The following MLLT10 variants were observed in gnomAD, a reference collection of about 807,000 sequenced individuals.
MLLT10 encodes the protein MLLT10 histone lysine methyltransferase DOT1L cofactor.
Under a neutral mutation model 129.1 loss-of-function variants are expected in MLLT10, and 30 were observed. The ratio of observed to expected loss-of-function variants is 0.23; its 90% CI spans 0.17 to 0.32. The LOEUF (loss-of-function observed/expected upper bound fraction) is 0.32. Among genes scored for constraint, MLLT10 ranks in the 10% least tolerant of loss-of-function variants. The pLI is 1.00. For synonymous variants in MLLT10, 490 were observed against 446.4 expected (o/e 1.10, Z -1.23); for missense variants, 1,119 against 1,268.3 (o/e 0.88, Z 1.79).
At chr10:21,567,333 A>G (rs1404407423) in intron 3 of MLLT10, among the ~76,000 whole-genome samples, 2 of 151,932 alleles carry the variant, frequency 1.3e-5, no homozygotes, top group African/African-American at 2.4e-5. Flanking sequence ...ACTTCCTTTT[A>G]GTTGTTTGCA....
At chr10:21,628,361 T>C (rs1446992351) in intron 8 of MLLT10, among the ~76,000 whole-genome samples, 6 of 151,980 alleles carry the variant, frequency 3.9e-5, no homozygotes, top group Admixed American at 1.3e-4. Flanking sequence ...GTGTCTATTA[T>C]CAGATTGCCT....
chr10:21,573,549 T>A (rs541945053), intron 3 of MLLT10, among the ~76,000 whole-genome samples: 1 of 152,310 alleles, frequency 6.6e-6, no homozygotes, highest in Admixed American at 6.5e-5. Flanking sequence ...CATTGTTTTA[T>A]TTTCAAATGT....
intron 3 of MLLT10, among the ~76,000 whole-genome samples, chr10:21,566,131 T>G (rs1314880327): frequency 6.6e-6 from 1 of 151,572 alleles, no homozygotes; most frequent in African/African-American, 2.4e-5. Flanking sequence ...TTTTTTGTAT[T>G]TTTAGTAGAG....
chr10:21,677,922 C>T (rs1453900554), intron 11 of MLLT10, among the ~76,000 whole-genome samples: 3 of 152,162 alleles, frequency 2.0e-5, no homozygotes, highest in African/African-American at 7.2e-5. Flanking sequence ...ATCCCCACTG[C>T]CAGCACAGTG....
chr10:21,733,637 A>G, intron 19 of MLLT10, 45 bp downstream of exon 19: 1 of 1,466,114 alleles, frequency 6.8e-7, no homozygotes. Context: ...TTTACTTGTG[A>G]ATAATAGTAT....
intron 13 of MLLT10, among the ~76,000 whole-genome samples, chr10:21,698,144 G>A (rs766729042): frequency 1.1e-4 from 17 of 151,950 alleles, no homozygotes; most frequent in Non-Finnish European, 2.1e-4. Flanking sequence ...GCCTTCTGTC[G>A]AACATTAAAA....
chr10:21,729,526 A>C (rs1429421423), intron 16 of MLLT10, among the ~76,000 whole-genome samples: 2 of 152,148 alleles, frequency 1.3e-5, no homozygotes, highest in Admixed American at 6.5e-5. Context: ...TGGAATAAAA[A>C]CCCCATTTGT....
Position 21,670,474 on chromosome 10 carries a change from C to T in MLLT10, c.821C>T (p.Ser274Phe). ...EKTYTSTSNN[S>F]ISGSLKRLED... ...ACTTATACAAGCACTAGCAACAACTCTATATCTGGATCATTGAAGCGCTTG... is the reference window on the plus strand; with the variant it reads ...ACTTATACAAGCACTAGCAACAACTTTATATCTGGATCATTGAAGCGCTTG... Residue 274 changes from serine (S) to phenylalanine (F), a missense_variant, in exon 10 of 23, where the codon TCT (serine) becomes TTT (phenylalanine). By Grantham distance (155) the Ser-to-Phe change is radical. This residue lies in a region of MLLT10 where 1,004 missense variants were observed against 1,008.7 expected (regional missense o/e 1.00). Coordinates refer to ENST00000307729, the MANE Select transcript of MLLT10 (RefSeq NM_001195626.3). The T allele has an allele frequency of 1.2e-6, 2 of 1,613,872 alleles. No individual in the cohort carries two copies. The highest frequency in any genetic ancestry group is 1.7e-6 in the Non-Finnish European group (2 of 1,179,930).
chr10:21,563,495 C>G (rs1484936189), intron 3 of MLLT10, among the ~76,000 whole-genome samples: 2 of 152,030 alleles, frequency 1.3e-5, no homozygotes, highest in Non-Finnish European at 2.9e-5. Context: ...TGTACTCCAC[C>G]CTGGGCGACA....
intron 2 of MLLT10, among the ~76,000 whole-genome samples, chr10:21,536,446 T>C (rs12416272): frequency 0.015 from 2,233 of 152,332 alleles, 120 homozygotes; most frequent in East Asian, 0.14. Flanking sequence ...ATATAGAAAA[T>C]TTTTATTCAA....
intron 21 of MLLT10, among the ~76,000 whole-genome samples, chr10:21,737,692 C>T (rs1449555956): frequency 1.3e-5 from 2 of 151,998 alleles, no homozygotes; most frequent in Non-Finnish European, 2.9e-5. Flanking sequence ...TGGACCGAGA[C>T]CCAAGTGGGA....
At chr10:21,697,327 A>G (rs1003971381) in intron 13 of MLLT10, among the ~76,000 whole-genome samples, 7 of 151,992 alleles carry the variant, frequency 4.6e-5, no homozygotes, top group Admixed American at 2.6e-4. Flanking sequence ...TTAGCCAGGC[A>G]TGGTGGAAGG....
At chr10:21,642,960 A>G (rs969877540) in intron 8 of MLLT10, among the ~76,000 whole-genome samples, 2 of 152,194 alleles carry the variant, frequency 1.3e-5, no homozygotes, top group Non-Finnish European at 2.9e-5. Context: ...TTGAGCTCCT[A>G]CAGTGAAGGC....
intron 3 of MLLT10, among the ~76,000 whole-genome samples, chr10:21,548,742 T>C (rs1008756052): frequency 6.6e-6 from 1 of 152,232 alleles, no homozygotes; most frequent in Non-Finnish European, 1.5e-5. Flanking sequence ...TTTAATTCAG[T>C]GAATTAATTT....
At chr10:21,578,833 G>A (rs961820954) in intron 3 of MLLT10, among the ~76,000 whole-genome samples, 3 of 152,164 alleles carry the variant, frequency 2.0e-5, no homozygotes, top group African/African-American at 7.2e-5. Flanking sequence ...ATTGTCATGT[G>A]TGTTGGAACT....
chr10:21,654,871 G>C (rs1040965702), intron 9 of MLLT10, among the ~76,000 whole-genome samples: 7 of 152,102 alleles, frequency 4.6e-5, no homozygotes, highest in Non-Finnish European at 1.0e-4. Flanking sequence ...GGTTTCTGGT[G>C]AAATTAAGGG....
intron 5 of MLLT10, among the ~76,000 whole-genome samples, chr10:21,609,139 C>T (rs576104357): frequency 3.9e-5 from 6 of 152,292 alleles, no homozygotes; most frequent in Admixed American, 1.3e-4. Context: ...CACCAGTTCC[C>T]CATTTTTTTT....
intron 11 of MLLT10, among the ~76,000 whole-genome samples, chr10:21,680,013 C>T (rs563488094): frequency 5.9e-5 from 9 of 152,038 alleles, no homozygotes; most frequent in Non-Finnish European, 8.8e-5. Flanking sequence ...GAGTCACAGC[C>T]TTGGTCCTAG....
chr10:21,646,317 A>G (rs767501760), intron 8 of MLLT10, among the ~76,000 whole-genome samples: 1 of 152,234 alleles, frequency 6.6e-6, no homozygotes, highest in Non-Finnish European at 1.5e-5. Flanking sequence ...TAGGTTCATT[A>G]CAGAGAGCAA....
Sources: gnomAD v4.1 joint callset for allele counts (sites outside exome capture counted in the v4.1 genomes callset) on GRCh38, gnomAD v4.1.1 for gene constraint, gnomAD v4.1.1 regional missense constraint, MANE v1.5 for transcripts, NCBI Gene and HGNC (gene_info 2026-07-23, HGNC 2026-07-21) for gene names.